Variants in CAMTA1 observed in about 807,000 individuals in gnomAD.
CAMTA1 encodes the protein calmodulin binding transcription activator 1.
CAMTA1 carries 27 observed loss-of-function variants against 170.9 expected under a neutral mutation model. That is an observed-to-expected ratio of 0.16 (90% CI 0.12 to 0.22). The LOEUF is 0.22. Ranked by LOEUF, CAMTA1 falls within the 10% of genes least tolerant of loss-of-function variation. CAMTA1 has a pLI of 1.00. For missense variants in CAMTA1, 1,619 were observed against 2,217.2 expected (o/e 0.73, Z 5.42); for synonymous variants, 833 against 891.5 (o/e 0.93, Z 1.17).
chr1:7,731,538 C>T (rs2096733100), intron 11 of CAMTA1, among the ~76,000 whole-genome samples: 1 of 150,174 alleles, frequency 6.7e-6, no homozygotes. Context: ...CGCCATTGCA[C>T]TCCAGCCTGG....
rs139833438 is a variant in CAMTA1 at position 7,732,897 on chromosome 1, T to A, written c.3066+298T>A. On this transcript the variant is annotated intron_variant, in intron 12 of 22. Transcript: ENST00000303635. This position sits in a 1 kb window ranked among gnomAD's most constrained non-coding sequence, Gnocchi z 4.1. The stretch of plus-strand genomic sequence containing the variant: ...GCAGTGGGAATTAAGGACAACCAAT[T>A]GAAAAATAGAGGCTGGCTGGGCATG... Among the ~76,000 whole-genome samples, 106 of 151,978 alleles carry A rather than the reference T, an allele frequency of 7.0e-4. No homozygotes were observed. The highest frequency in any genetic ancestry group is 2.3e-3 in the African/African-American group (97 of 41,428).
At chr1:6,911,702 G>GTGCTGGCTGAGC (rs1679718574) in intron 3 of CAMTA1, among the ~76,000 whole-genome samples, 3 of 152,194 alleles carry the variant, frequency 2.0e-5, no homozygotes, top group Non-Finnish European at 4.4e-5. Flanking sequence ...CGCTGGTAAG[G>GTGCTGGCTGAGC]TGCTGGCTGA....
chr1:7,148,471 T>C (rs1646376222), intron 4 of CAMTA1, among the ~76,000 whole-genome samples: 1 of 150,900 alleles, frequency 6.6e-6, no homozygotes. Context: ...CTCCCTGTGC[T>C]GGGCTTTTGG....
intron 5 of CAMTA1, among the ~76,000 whole-genome samples, chr1:7,449,956 G>C (rs985242146): frequency 6.6e-6 from 1 of 152,106 alleles, no homozygotes; most frequent in East Asian, 1.9e-4. Flanking sequence ...AGGTGGCTTG[G>C]GGGTAGGAGG....
In CAMTA1 at chr1:7,608,397, G is replaced by C. The variant is rs142479828; in HGVS notation, c.511-32003G>C. Among the ~76,000 whole-genome samples, 254 of 152,310 alleles carry C rather than the reference G, an allele frequency of 1.7e-3. 2 individuals are homozygous for C. The highest frequency in any genetic ancestry group is 5.9e-3 in the African/African-American group (247 of 41,562). ...GCCTAGTTCCTGGGGAATGCTCAGGGCCAGGGAACCCTCCTCTGGAGCAGG... is the reference window on the plus strand; with the variant it reads ...GCCTAGTTCCTGGGGAATGCTCAGGCCCAGGGAACCCTCCTCTGGAGCAGG... On this transcript the variant is annotated intron_variant, in intron 6 of 22. Coordinates refer to ENST00000303635, the MANE Select transcript of CAMTA1 (RefSeq NM_015215.4).
intron 3 of CAMTA1, among the ~76,000 whole-genome samples, chr1:6,929,966 C>G (rs1684094979): frequency 6.6e-6 from 1 of 152,200 alleles, no homozygotes; most frequent in Non-Finnish European, 1.5e-5. Flanking sequence ...TCAATGTGGT[C>G]TTGACCGTGC....
At chr1:7,357,223 C>T (rs1383490280) in intron 5 of CAMTA1, among the ~76,000 whole-genome samples, 2 of 152,216 alleles carry the variant, frequency 1.3e-5, no homozygotes, top group African/African-American at 2.4e-5. Flanking sequence ...GATGCCCCGC[C>T]CTCCCATTTT....
intron 3 of CAMTA1, among the ~76,000 whole-genome samples, chr1:6,978,358 G>A (rs893749076): frequency 6.6e-6 from 1 of 152,172 alleles, no homozygotes; most frequent in Non-Finnish European, 1.5e-5. Flanking sequence ...ACCAGGCCAG[G>A]CACGGTGGCT....
chr1:7,004,045 A>G (rs911465865), intron 3 of CAMTA1, among the ~76,000 whole-genome samples: 4 of 152,258 alleles, frequency 2.6e-5, no homozygotes, highest in African/African-American at 9.6e-5. Context: ...GTTATGGAAC[A>G]TGATTTCCCC....
intron 4 of CAMTA1, among the ~76,000 whole-genome samples, chr1:7,191,404 A>G (rs1654498741): frequency 6.6e-6 from 1 of 152,192 alleles, no homozygotes; most frequent in African/African-American, 2.4e-5. Context: ...ATGGTATGCC[A>G]CCTTGCACCA....
chr1:7,393,052 C>CT (rs2088903146), intron 5 of CAMTA1, among the ~76,000 whole-genome samples: 1 of 75,312 alleles, frequency 1.3e-5, no homozygotes, highest in East Asian at 2.5e-4. Flanking sequence ...TACTATATCT[C>CT]TTAAAAAAAA....
chr1:7,658,892 T>C (rs1273067310), intron 7 of CAMTA1, among the ~76,000 whole-genome samples: 1 of 152,228 alleles, frequency 6.6e-6, no homozygotes, highest in Non-Finnish European at 1.5e-5. Flanking sequence ...ATGAAAGCAC[T>C]GTCCACCTGA....
chr1:7,060,812 G>T (rs1708090553), intron 3 of CAMTA1, among the ~76,000 whole-genome samples: 1 of 152,142 alleles, frequency 6.6e-6, no homozygotes, highest in African/African-American at 2.4e-5. Context: ...TCAAGAATTG[G>T]GTTCCAATTT....
intron 5 of CAMTA1, among the ~76,000 whole-genome samples, chr1:7,384,729 G>T (rs1161450726): frequency 2.0e-5 from 3 of 152,160 alleles, no homozygotes; most frequent in African/African-American, 7.2e-5. Context: ...AATCACTTCA[G>T]CATGTAACTG....
At chr1:7,434,435 G>T (rs532894368) in intron 5 of CAMTA1, among the ~76,000 whole-genome samples, 2 of 139,868 alleles carry the variant, frequency 1.4e-5, no homozygotes, top group East Asian at 4.3e-4. Context: ...CACCCCTGGG[G>T]CTTAGGAGGA....
chr1:6,917,649 G>T (rs1280934009), intron 3 of CAMTA1, among the ~76,000 whole-genome samples: 1 of 152,096 alleles, frequency 6.6e-6, no homozygotes. Context: ...GGAGAGTTCA[G>T]TTGGAGGCCG....
At chr1:7,382,914 A>T (rs2087507825) in intron 5 of CAMTA1, among the ~76,000 whole-genome samples, 1 of 152,180 alleles carries the variant, frequency 6.6e-6, no homozygotes, top group African/African-American at 2.4e-5. Flanking sequence ...AAATTTTGAG[A>T]AAATGCTTTC....
intron 5 of CAMTA1, among the ~76,000 whole-genome samples, chr1:7,412,093 AT>A (rs2090816173): frequency 6.6e-6 from 1 of 152,028 alleles, no homozygotes; most frequent in African/African-American, 2.4e-5. Context: ...TGAACTCATC[AT>A]TTTTTATGGC....
intron 5 of CAMTA1, among the ~76,000 whole-genome samples, chr1:7,330,306 C>T (rs2082946268): frequency 6.6e-6 from 1 of 152,166 alleles, no homozygotes; most frequent in Non-Finnish European, 1.5e-5. Flanking sequence ...TTGTAATAGT[C>T]GCAGGACCCG....
Sources: gnomAD v4.1 joint callset for allele counts (sites outside exome capture counted in the v4.1 genomes callset) on GRCh38, gnomAD v4.1.1 for gene constraint, Gnocchi (gnomAD v3.1) non-coding constraint, MANE v1.5 for transcripts, NCBI Gene and HGNC (gene_info 2026-07-23, HGNC 2026-07-21) for gene names.